DOCK3: variants seen among roughly 807,000 people sequenced by gnomAD.
DOCK3 encodes the protein dedicator of cytokinesis protein 3.
In DOCK3, 60 loss-of-function variants were observed where a neutral mutation model predicts 265.6. That is an observed-to-expected ratio of 0.23 (90% CI 0.18 to 0.28). The LOEUF is 0.28. Ranked by LOEUF, DOCK3 falls within the 10% of genes least tolerant of loss-of-function variation. The probability of loss-of-function intolerance (pLI) is 1.00; values close to 1 mark genes in which losing one functional copy is unlikely to be tolerated. For missense variants in DOCK3, 1,981 were observed against 2,594.3 expected (o/e 0.76, Z 5.14); for synonymous variants, 881 against 938.0 (o/e 0.94, Z 1.11).
intron 9 of DOCK3, among the ~76,000 whole-genome samples, chr3:51,133,307 TC>T (rs888857549): frequency 1.8e-5 from 1 of 55,098 alleles, no homozygotes. Flanking sequence ...ATGCTATCCC[TC>T]CCCCCTCCCC....
At chr3:51,097,457 T>A in intron 9 of DOCK3, among the ~76,000 whole-genome samples, 1 of 152,164 alleles carries the variant, frequency 6.6e-6, no homozygotes, top group East Asian at 1.9e-4. Flanking sequence ...GCCCTCCCCT[T>A]ACCAAGCTCC....
chr3:51,074,446 C>T (rs1219669682), intron 6 of DOCK3, among the ~76,000 whole-genome samples: 1 of 152,196 alleles, frequency 6.6e-6, no homozygotes, highest in Admixed American at 6.5e-5. Context: ...ATTACCATCA[C>T]TTCTTCTTAC....
At chr3:50,937,471 G>A (rs1042171407) in intron 5 of DOCK3, among the ~76,000 whole-genome samples, 2 of 151,966 alleles carry the variant, frequency 1.3e-5, no homozygotes, top group Non-Finnish European at 2.9e-5. Flanking sequence ...TAGCTAAGAC[G>A]GTGAGACCCT....
In DOCK3 at chr3:51,013,260, T is replaced by C. The variant is rs554981467; in HGVS notation, c.316-51188T>C. ...TTTTTAGAATTTTTAGCCTTTCTGCTCTGGTTTCTCCCCATCTTTGTGGTT... is the reference window on the plus strand; with the variant it reads ...TTTTTAGAATTTTTAGCCTTTCTGCCCTGGTTTCTCCCCATCTTTGTGGTT... On this transcript the variant is annotated intron_variant, in intron 5 of 52. Transcript: ENST00000266037. 2.6e-5 allele frequency among the ~76,000 whole-genome samples: 4 copies of C among 152,334 alleles called. No individual in the cohort carries two copies. The South Asian group carries it at 8.3e-4, about 32-fold the overall frequency.
chr3:50,739,849 A>G (rs1329500664), intron 1 of DOCK3, among the ~76,000 whole-genome samples: 2 of 152,166 alleles, frequency 1.3e-5, no homozygotes, highest in African/African-American at 4.8e-5. Context: ...GAGCCATATC[A>G]ATTCACCTTG....
chr3:50,933,549 C>T lies in DOCK3; in HGVS notation c.219-432C>T, dbSNP rs575269077. Among the ~76,000 whole-genome samples the T allele has an allele frequency of 8.5e-5, 13 of 152,122 alleles. No individual in the cohort carries two copies. The South Asian group carries it at 2.5e-3, about 29-fold the overall frequency. On this transcript the variant is annotated intron_variant, in intron 4 of 52. Transcript: ENST00000266037. The stretch of plus-strand genomic sequence containing the variant: ...AAAGTTTAATTGTGTGGGTTCCTCC[C>T]CTCCACAACCCCCCACATTTTTCCA...
chr3:51,239,567 T>G (rs113764740), intron 21 of DOCK3, among the ~76,000 whole-genome samples: 866 of 84,448 alleles, frequency 0.01, 14 homozygotes, highest in East Asian at 0.028. Context: ...TTTTTTTTTG[T>G]TTGTTTGTTT....
rs1159533175 is a variant in DOCK3 at position 51,362,677 on chromosome 3, A to G, written c.5293+3A>G. 1.2e-6 allele frequency: 2 copies of G among 1,612,858 alleles called. No homozygotes were observed. Among genetic ancestry groups the G allele is most frequent in the South Asian group, 1.1e-5 (1 of 90,802 alleles). On this transcript the variant is annotated splice_donor_region_variant and intron_variant, in intron 49 of 52. Coordinates refer to ENST00000266037, the MANE Select transcript of DOCK3 (RefSeq NM_004947.5). ...CTCTGCCCCTTCCAGTGCCCGAGGT[A>G]AGGATGGCAGGGTGCTACTTGCAGA...
rs539770067 is a variant in DOCK3, at chr3:50,919,952, A to T, written c.219-14029A>T. Among the ~76,000 whole-genome samples, 4 of 152,326 alleles carry T rather than the reference A, an allele frequency of 2.6e-5. No homozygotes were observed. The East Asian group carries it at 5.8e-4, about 22-fold the overall frequency. Reference sequence around the variant, plus strand: ...AATACCTAGTTTATTGAGAGTTTTTAGCATGAAGCGCTGTTGAATTTTGTC... The same window carrying T: ...AATACCTAGTTTATTGAGAGTTTTTTGCATGAAGCGCTGTTGAATTTTGTC... On this transcript the variant is annotated intron_variant, in intron 4 of 52. Coordinates refer to ENST00000266037, the MANE Select transcript of DOCK3 (RefSeq NM_004947.5).
At chr3:50,994,783 C>T (rs951989666) in intron 5 of DOCK3, among the ~76,000 whole-genome samples, 1 of 152,088 alleles carries the variant, frequency 6.6e-6, no homozygotes, top group Admixed American at 6.5e-5. Flanking sequence ...GAAAGTGTGA[C>T]TTTATAGGCC....
chr3:51,069,284 A>G (rs1175160274), intron 6 of DOCK3, among the ~76,000 whole-genome samples: 1 of 152,138 alleles, frequency 6.6e-6, no homozygotes, highest in African/African-American at 2.4e-5. Context: ...TTAGTCAGTT[A>G]ATTATATCTA....
At chr3:50,740,417 A>G (rs955314575) in intron 1 of DOCK3, among the ~76,000 whole-genome samples, 2 of 152,154 alleles carry the variant, frequency 1.3e-5, no homozygotes, top group African/African-American at 4.8e-5. Context: ...TGTGGTAGGT[A>G]TATACTTAAC....
At chr3:51,068,539 G>GAAA (rs1160597168) in intron 6 of DOCK3, among the ~76,000 whole-genome samples, 1 of 45,718 alleles carries the variant, frequency 2.2e-5, no homozygotes, top group Admixed American at 3.1e-4. Context: ...GACTCCGTCT[G>GAAA]AAAAAAAAAA....
rs949381702 is a variant in DOCK3, at chr3:50,881,673, G to A, written c.163-8353G>A. ...CATGGGTAGGAAGAATCAATATCGT[G>A]AAAATGGCCATACTGCCCAAGGTAA... On this transcript the variant is annotated intron_variant, in intron 3 of 52. Transcript: ENST00000266037. 7.2e-5 allele frequency among the ~76,000 whole-genome samples: 11 copies of A among 152,180 alleles called. No homozygotes were observed. The East Asian group carries it at 2.1e-3, about 29-fold the overall frequency.
chr3:50,808,231 G>T (rs906215833), intron 2 of DOCK3, among the ~76,000 whole-genome samples: 35 of 152,110 alleles, frequency 2.3e-4, no homozygotes, highest in Admixed American at 2.0e-4. Flanking sequence ...CAAATGGAAA[G>T]ATTTACTATG....
At chr3:50,807,408 C>T (rs1320180726) in intron 2 of DOCK3, among the ~76,000 whole-genome samples, 1 of 152,076 alleles carries the variant, frequency 6.6e-6, no homozygotes, top group Non-Finnish European at 1.5e-5. Context: ...ACTCACTCAC[C>T]TTCCCTCTCC....
chr3:50,734,316 A>C (rs1205455916), intron 1 of DOCK3, among the ~76,000 whole-genome samples: 1 of 152,068 alleles, frequency 6.6e-6, no homozygotes, highest in Non-Finnish European at 1.5e-5. Context: ...CAGCCTGGGC[A>C]ACATAGACCC....
chr3:51,104,553 C>T (rs761976537), intron 9 of DOCK3, among the ~76,000 whole-genome samples: 9 of 151,964 alleles, frequency 5.9e-5, no homozygotes, highest in Non-Finnish European at 8.8e-5. Flanking sequence ...GGACCAGTGG[C>T]AGCAGTAAAA....
chr3:51,129,905 C>A (rs940139173), intron 9 of DOCK3, among the ~76,000 whole-genome samples: 1 of 152,192 alleles, frequency 6.6e-6, no homozygotes, highest in Non-Finnish European at 1.5e-5. Context: ...GTTCTGGACC[C>A]CACTCAAAAC....
Sources: allele counts gnomAD v4.1 joint callset (sites outside exome capture counted in the v4.1 genomes callset), GRCh38; gene constraint gnomAD v4.1.1; transcripts MANE v1.5; gene names NCBI Gene and HGNC (gene_info 2026-07-23, HGNC 2026-07-21).